The following VIPR2 variants were observed in gnomAD, a reference collection of about 807,000 sequenced individuals.
VIPR2 encodes vasoactive intestinal peptide receptor 2.
In VIPR2, 48 loss-of-function variants were observed where a neutral mutation model predicts 58.0. That is an observed-to-expected ratio of 0.83 (90% CI 0.66 to 1.05). The LOEUF (loss-of-function observed/expected upper bound fraction) is 1.05. Ranked by LOEUF, VIPR2 falls within the 50% of genes least tolerant of loss-of-function variation. The pLI, the probability that VIPR2 is intolerant of heterozygous loss-of-function variation, is 0.00. For missense variants in VIPR2, 534 were observed against 558.0 expected (o/e 0.96, Z 0.43); for synonymous variants, 243 against 235.2 (o/e 1.03, Z -0.30).
intron 2 of VIPR2, among the ~76,000 whole-genome samples, chr7:159,129,141 GGGGGGA>G (rs1563351642): frequency 4.4e-4 from 47 of 107,936 alleles, no homozygotes; most frequent in Middle Eastern, 4.3e-3. Context: ...CTGGCCTCTG[GGGGGGA>G]CAGGGCTGGG....
At chr7:159,069,200 TG>T (rs1856255082) in intron 4 of VIPR2, among the ~76,000 whole-genome samples, 1 of 152,194 alleles carries the variant, frequency 6.6e-6, no homozygotes, top group Non-Finnish European at 1.5e-5. Flanking sequence ...TCAGGGCTCA[TG>T]GGGGCCTTTC....
At chr7:159,138,328 A>AGTC (rs937312861) in intron 2 of VIPR2, among the ~76,000 whole-genome samples, 1 of 152,246 alleles carries the variant, frequency 6.6e-6, no homozygotes, top group African/African-American at 2.4e-5. Context: ...CATATCCCAC[A>AGTC]TGACACAACC....
intron 3 of VIPR2, among the ~76,000 whole-genome samples, chr7:159,104,501 A>G (rs1858513109): frequency 8.0e-6 from 1 of 124,434 alleles, no homozygotes; most frequent in African/African-American, 3.3e-5. Flanking sequence ...CCAGTTCCTG[A>G]CAGCACCCTA....
At chr7:159,050,541 G>T (rs919484989) in intron 5 of VIPR2, among the ~76,000 whole-genome samples, 1 of 151,892 alleles carries the variant, frequency 6.6e-6, no homozygotes, top group African/African-American at 2.4e-5. Context: ...GAAATTAAGA[G>T]TTAAATAGAG....
At chr7:159,090,328 C>T (rs1395764597) in intron 4 of VIPR2, among the ~76,000 whole-genome samples, 2 of 62,722 alleles carry the variant, frequency 3.2e-5, no homozygotes, top group African/African-American at 2.0e-4. Flanking sequence ...CCAGTGACCT[C>T]GGCACAGACA....
chr7:159,052,009 T>C (rs966417213), intron 5 of VIPR2, among the ~76,000 whole-genome samples: 3 of 152,196 alleles, frequency 2.0e-5, no homozygotes, highest in Non-Finnish European at 4.4e-5. Context: ...TGAAAAACGA[T>C]GTGAATGACC....
rs1182155681 is a variant in VIPR2 at position 159,029,460 on chromosome 7, G to A, written c.*1156C>T. On this transcript the variant is annotated 3_prime_UTR_variant, in exon 13 of 13. Coordinates refer to ENST00000262178, the MANE Select transcript of VIPR2 (RefSeq NM_003382.5). ...CTAGGGCTGCTGAGCGCCAGCTCTG[G>A]GGAGGAGGGCTTGAAACAGTTTTAT... 6.6e-6 allele frequency: 1 copy of A among 152,276 alleles called. No homozygotes were observed. The highest frequency in any genetic ancestry group is 1.5e-5 in the Non-Finnish European group (1 of 68,050). The allele number at this position is 152,276 out of a possible 1,614,324, so 9.4% of individuals were successfully genotyped here.
intron 3 of VIPR2, among the ~76,000 whole-genome samples, chr7:159,105,697 G>A (rs1410166694): frequency 6.6e-6 from 1 of 152,110 alleles, no homozygotes; most frequent in Non-Finnish European, 1.5e-5. Flanking sequence ...GGGTCTGGGG[G>A]CCTCTTAGCT....
intron 2 of VIPR2, among the ~76,000 whole-genome samples, chr7:159,138,289 G>C (rs1325783313): frequency 6.6e-6 from 1 of 152,184 alleles, no homozygotes; most frequent in Admixed American, 6.5e-5. Flanking sequence ...AGCAAGAAGG[G>C]GTTAGGTGTA....
At chr7:159,101,335 C>T (rs1858219090) in intron 4 of VIPR2, among the ~76,000 whole-genome samples, 1 of 119,266 alleles carries the variant, frequency 8.4e-6, no homozygotes, top group Non-Finnish European at 1.8e-5. Context: ...GGCGGTTCCC[C>T]TGACTGTTCC....
chr7:159,144,177 A>T, intron 1 of VIPR2: 1 of 914,116 alleles, frequency 1.1e-6, no homozygotes, highest in Non-Finnish European at 1.5e-6. Context: ...CCATGTGCGA[A>T]GGCACTTAAT....
chr7:159,086,164 A>G (rs964586689), intron 4 of VIPR2, among the ~76,000 whole-genome samples: 2 of 152,224 alleles, frequency 1.3e-5, no homozygotes, highest in African/African-American at 4.8e-5. Flanking sequence ...ACTGCTCTAA[A>G]AAGTCGATTA....
At chr7:159,063,292 C>A (rs996055510) in intron 4 of VIPR2, among the ~76,000 whole-genome samples, 1 of 152,148 alleles carries the variant, frequency 6.6e-6, no homozygotes, top group Non-Finnish European at 1.5e-5. Flanking sequence ...TGCGGGGAGG[C>A]AGCTGAGGCC....
chr7:159,065,846 TGCTCAGG>T (rs559188052), intron 4 of VIPR2, among the ~76,000 whole-genome samples: 65 of 152,260 alleles, frequency 4.3e-4, no homozygotes, highest in Non-Finnish European at 8.4e-4. Flanking sequence ...CACTACAGAG[TGCTCAGG>T]GCTGACCCAC....
In VIPR2 at chr7:159,036,912, GCAAA is replaced by G; in HGVS notation, c.598-14_598-11del. On this transcript the variant is annotated splice_polypyrimidine_tract_variant and intron_variant, in intron 6 of 12. Transcript: ENST00000262178. ...TCAGCTTGCAGCCCACCTGGAAACC[GCAAA>G]CAGAGGAGAGGAAAGCATGACCTCA... is the stretch of plus-strand genomic sequence containing the variant. The G allele has an allele frequency of 7.5e-6, 12 of 1,608,876 alleles. No homozygotes were observed. Among genetic ancestry groups the G allele is most frequent in the African/African-American group, 1.3e-5 (1 of 74,974 alleles).
chr7:159,071,232 A>G (rs1341939323), intron 4 of VIPR2, among the ~76,000 whole-genome samples: 1 of 152,200 alleles, frequency 6.6e-6, no homozygotes, highest in African/African-American at 2.4e-5. Flanking sequence ...GTTTATCTTC[A>G]TTAGAGGTGG....
chr7:159,144,380 C>T lies in VIPR2; in HGVS notation c.51+341G>A, dbSNP rs149110911. On this transcript the variant is annotated intron_variant, in intron 1 of 12. Coordinates refer to ENST00000262178, the MANE Select transcript of VIPR2 (RefSeq NM_003382.5). ...CCGTGAAACGCGCAGCCCGCGCAGG[C>T]GCCCGCAGCTCCCAGCTCCCGGGAC... 6,551 of 1,543,590 alleles carry T rather than the reference C, an allele frequency of 4.2e-3. 247 individuals are homozygous for T. The African/African-American group carries it at 0.079, about 19-fold the overall frequency.
At chr7:159,130,700 C>T (rs1476807530) in intron 2 of VIPR2, among the ~76,000 whole-genome samples, 2 of 152,220 alleles carry the variant, frequency 1.3e-5, no homozygotes, top group African/African-American at 2.4e-5. Context: ...TCCCACATGG[C>T]GTGGCCGGCA....
chr7:159,076,962 G>A (rs1420153305), intron 4 of VIPR2, among the ~76,000 whole-genome samples: 2 of 152,168 alleles, frequency 1.3e-5, no homozygotes, highest in Non-Finnish European at 2.9e-5. Context: ...GCTTTTAAAA[G>A]TCTAATCTGA....
Sources: allele counts gnomAD v4.1 joint callset (sites outside exome capture counted in the v4.1 genomes callset), GRCh38; gene constraint gnomAD v4.1.1; transcripts MANE v1.5; gene names NCBI Gene and HGNC (gene_info 2026-07-23, HGNC 2026-07-21).